Variants in CCL17 observed in about 807,000 individuals in gnomAD.
CCL17 encodes the protein C-C motif chemokine 17.
In CCL17, 8 loss-of-function variants were observed where a neutral mutation model predicts 7.4. The observed-to-expected ratio is 1.09, with a 90% CI of 0.64 to 1.96. CCL17 has a LOEUF of 1.96. CCL17 is among the 30% of genes most tolerant of loss of function. CCL17 has a pLI of 0.00. For missense variants in CCL17, 102 were observed against 113.0 expected (o/e 0.90, Z 0.44); for synonymous variants, 40 against 46.1 (o/e 0.87, Z 0.54).
intron 1 of CCL17, among the ~76,000 whole-genome samples, chr16:57,408,471 G>A (rs910365895): frequency 6.6e-6 from 1 of 152,136 alleles, no homozygotes; most frequent in Admixed American, 6.5e-5. Context: ...GAGTGCAGTG[G>A]TACAATCATG....
intron 1 of CCL17, among the ~76,000 whole-genome samples, chr16:57,407,555 A>T (rs1902714865): frequency 6.6e-6 from 1 of 152,166 alleles, no homozygotes; most frequent in East Asian, 1.9e-4. Context: ...TCATGCATGT[A>T]TATATCCATT....
chr16:57,397,108 A>T, the CCL17 span, among the ~76,000 whole-genome samples: 3 of 152,246 alleles, frequency 2.0e-5, no homozygotes, highest in African/African-American at 7.2e-5. Context: ...TGACTTAGGC[A>T]TATGAGAGAC....
upstream of CCL17, among the ~76,000 whole-genome samples, chr16:57,403,020 CAAAA>C (rs532901212): frequency 1.1e-4 from 6 of 56,754 alleles, no homozygotes; most frequent in Admixed American, 3.0e-4. Context: ...AGCATTTCAG[CAAAA>C]AAAAAAAAAA....
intron 1 of CCL17, among the ~76,000 whole-genome samples, chr16:57,410,069 GC>G (rs1371554592): frequency 2.6e-5 from 4 of 152,198 alleles, no homozygotes; most frequent in Admixed American, 2.6e-4. Flanking sequence ...CTCCTGGTCA[GC>G]CACAGCTGTC....
chr16:57,410,291 T>C (rs1902763387), intron 1 of CCL17, among the ~76,000 whole-genome samples: 1 of 152,068 alleles, frequency 6.6e-6, no homozygotes, highest in Admixed American at 6.5e-5. Context: ...TAAAGCCGAG[T>C]TGGGTGTTGC....
intron 1 of CCL17, among the ~76,000 whole-genome samples, chr16:57,412,430 G>A (rs765007011): frequency 5.3e-5 from 8 of 152,208 alleles, no homozygotes; most frequent in Non-Finnish European, 8.8e-5. Flanking sequence ...AGCTCTGAGC[G>A]ATGCTCCAGT....
At chr16:57,411,053 C>T (rs1350868428) in intron 1 of CCL17, among the ~76,000 whole-genome samples, 2 of 152,178 alleles carry the variant, frequency 1.3e-5, no homozygotes, top group Admixed American at 6.5e-5. Context: ...AACAGTGCCC[C>T]CTGTGCAATG....
upstream of CCL17, among the ~76,000 whole-genome samples, chr16:57,403,603 A>AT (rs1902648213): frequency 1.5e-5 from 1 of 67,792 alleles, no homozygotes; most frequent in Non-Finnish European, 2.6e-5. Flanking sequence ...TTTATAATAT[A>AT]TATAATATAT....
In CCL17 at chr16:57,411,353, C is replaced by CA. The variant is rs147239524; in HGVS notation, c.-59-2520dup. 2.9e-3 allele frequency among the ~76,000 whole-genome samples: 447 copies of CA among 152,290 alleles called. 3 individuals carry two copies. The highest frequency in any genetic ancestry group is 9.3e-3 in the African/African-American group (386 of 41,560). On this transcript the variant is annotated intron_variant, in intron 1 of 3. Transcript: ENST00000219244. ...CTGCCCCTGCCAGCCAGGCAGCCTGCACCAGCCTTGAACTGAACCAGAACC... is the reference window on the plus strand; with the variant it reads ...CTGCCCCTGCCAGCCAGGCAGCCTGCAACCAGCCTTGAACTGAACCAGAACC...
upstream of CCL17, among the ~76,000 whole-genome samples, chr16:57,401,175 C>T (rs1475012886): frequency 6.6e-6 from 1 of 151,810 alleles, no homozygotes. Flanking sequence ...GGTGTGATGC[C>T]GCAAGATGTG....
the CCL17 span, among the ~76,000 whole-genome samples, chr16:57,397,806 G>T: frequency 6.6e-6 from 1 of 152,134 alleles, no homozygotes; most frequent in Non-Finnish European, 1.5e-5. Context: ...ACTAGTTCTG[G>T]TAACTGGGCG....
intron 1 of CCL17, among the ~76,000 whole-genome samples, chr16:57,407,548 T>C (rs962908538): frequency 8.5e-5 from 13 of 152,182 alleles, no homozygotes; most frequent in African/African-American, 3.1e-4. Context: ...CATGCATTCA[T>C]GCATGTATAT....
intron 1 of CCL17, among the ~76,000 whole-genome samples, chr16:57,412,277 G>A (rs1598013111): frequency 6.6e-6 from 1 of 152,188 alleles, no homozygotes; most frequent in African/African-American, 2.4e-5. Flanking sequence ...CCCACTCCCA[G>A]GTGCGGAAGC....
intron 1 of CCL17, among the ~76,000 whole-genome samples, chr16:57,406,731 G>T (rs1316335834): frequency 6.6e-6 from 1 of 152,120 alleles, no homozygotes; most frequent in East Asian, 1.9e-4. Flanking sequence ...CTTCATCTCA[G>T]TTAGTTTTCC....
chr16:57,415,710 A>G lies in CCL17; in HGVS notation c.189-55A>G. ...CAGCACAGGGCGGGCCGTCCCAGGG[A>G]CTCTGGGGGCCCTTCCCCCCCTGCC... On this transcript the variant is annotated intron_variant, in intron 3 of 3. Coordinates refer to ENST00000219244, the MANE Select transcript of CCL17 (RefSeq NM_002987.3). This position sits in a 1 kb window ranked among gnomAD's most constrained non-coding sequence, Gnocchi z 4.5. 1 of 1,169,994 alleles carries G rather than the reference A, an allele frequency of 8.5e-7. No homozygotes were observed. The allele number at this position is 1,169,994 out of a possible 1,614,324, so 72.5% of individuals were successfully genotyped here. A position where few individuals can be genotyped will look rare whatever the true frequency, so the allele number is the denominator to read the frequency against.
At chr16:57,403,528 T>A (rs1221427081), upstream of CCL17, among the ~76,000 whole-genome samples, 1 of 29,548 alleles carries the variant, frequency 3.4e-5, no homozygotes, top group African/African-American at 2.7e-4. Flanking sequence ...ATATATATGT[T>A]ATATATATTA....
Position 57,415,159 on chromosome 16 carries a change from G to A in CCL17, c.149G>A (p.Trp50Ter). ...ATTCCCCTTAGAAAGCTGAAGACGT[G>A]GTACCAGACATCTGAGGACTGCTCC... ...GAIPLRKLKT[W>*]YQTSEDCSRD... is the part of the protein sequence containing the mutation. Residue 50 changes from tryptophan (W) to a stop codon, truncating the protein, a stop_gained, in exon 3 of 4, where the codon TGG becomes TAG. Coordinates refer to ENST00000219244, the MANE Select transcript of CCL17 (RefSeq NM_002987.3). LOFTEE classifies it low-confidence loss of function (END_TRUNC). The surrounding 1 kb of genome is among the most constrained non-coding windows in gnomAD (Gnocchi z 4.5). The A allele has an allele frequency of 6.2e-7, 1 of 1,613,774 alleles. No individual in the cohort carries two copies. The highest frequency in any genetic ancestry group is 2.2e-5 in the East Asian group (1 of 44,878).
chr16:57,406,014 C>CCTGGGCGAAAGAGCAAGACTCCGT (rs1902690411), intron 1 of CCL17, among the ~76,000 whole-genome samples: 1 of 150,880 alleles, frequency 6.6e-6, no homozygotes, highest in East Asian at 1.9e-4. Context: ...TGCAGTCCAG[C>CCTGGGCGAAAGAGCAAGACTCCGT]CTGGGCGAAA....
At chr16:57,408,041 T>C (rs1448874872) in intron 1 of CCL17, among the ~76,000 whole-genome samples, 1 of 148,738 alleles carries the variant, frequency 6.7e-6, no homozygotes, top group East Asian at 2.0e-4. Flanking sequence ...ATCTATTTAT[T>C]CTTTTGCCAT....
Sources: gnomAD v4.1 joint callset for allele counts (sites outside exome capture counted in the v4.1 genomes callset) on GRCh38, gnomAD v4.1.1 for gene constraint, Gnocchi (gnomAD v3.1) non-coding constraint, MANE v1.5 for transcripts, NCBI Gene and HGNC (gene_info 2026-07-23, HGNC 2026-07-21) for gene names.